ANKS1B: variants seen among roughly 807,000 people sequenced by gnomAD.
The protein encoded by ANKS1B is ankyrin repeat and sterile alpha motif domain-containing protein 1B.
ANKS1B carries 36 observed loss-of-function variants against 148.3 expected under a neutral mutation model. That is an observed-to-expected ratio of 0.24 (90% CI 0.19 to 0.32). The LOEUF is 0.32. Ranked by LOEUF, ANKS1B falls within the 10% of genes least tolerant of loss-of-function variation. The pLI is 1.00. For synonymous variants in ANKS1B, 542 were observed against 560.8 expected, an observed-to-expected ratio of 0.97 and a Z score of 0.47; for missense variants, 1,157 against 1,542.6, an observed-to-expected ratio of 0.75 and a Z score of 4.19.
chr12:99,214,621 T>C (rs998242276), intron 14 of ANKS1B, among the ~76,000 whole-genome samples: 3 of 152,210 alleles, frequency 2.0e-5, no homozygotes, highest in Admixed American at 2.0e-4. Context: ...GAAACCTCTT[T>C]TGCTTTATAA....
At chr12:98,842,152 T>C (rs1259509692) in intron 17 of ANKS1B, among the ~76,000 whole-genome samples, 1 of 152,166 alleles carries the variant, frequency 6.6e-6, no homozygotes, top group Non-Finnish European at 1.5e-5. Context: ...TCATAATAGC[T>C]AAAAATTAGC....
At chr12:99,716,163 C>T (rs2057296395) in intron 8 of ANKS1B, among the ~76,000 whole-genome samples, 1 of 151,898 alleles carries the variant, frequency 6.6e-6, no homozygotes, top group Non-Finnish European at 1.5e-5. Context: ...ATTTCCGTGC[C>T]CCGACCTCTT....
intron 12 of ANKS1B, among the ~76,000 whole-genome samples, chr12:99,304,178 A>G (rs776633159): frequency 2.0e-5 from 3 of 152,134 alleles, no homozygotes; most frequent in East Asian, 1.9e-4. Context: ...TAGTTCTTTA[A>G]GGAGTCTCCA....
chr12:99,341,730 AGTAGGTAGAG>A (rs896643301), intron 12 of ANKS1B, among the ~76,000 whole-genome samples: 1 of 152,112 alleles, frequency 6.6e-6, no homozygotes, highest in Non-Finnish European at 1.5e-5. Context: ...AAGTACTGTA[AGTAGGTAGAG>A]GTAGGCACTG....
chr12:99,367,574 T>C (rs535149756), intron 12 of ANKS1B, among the ~76,000 whole-genome samples: 15 of 152,286 alleles, frequency 9.8e-5, no homozygotes, highest in African/African-American at 2.6e-4. Flanking sequence ...AACCAACATA[T>C]GTACAAGGTT....
chr12:99,635,206 T>C (rs578191335), intron 9 of ANKS1B, among the ~76,000 whole-genome samples: 2 of 152,148 alleles, frequency 1.3e-5, no homozygotes, highest in Non-Finnish European at 2.9e-5. Flanking sequence ...GCAGTTCCTC[T>C]TAAAATTAGA....
At chr12:98,993,563 A>G (rs1331957283) in intron 17 of ANKS1B, among the ~76,000 whole-genome samples, 1 of 151,176 alleles carries the variant, frequency 6.6e-6, no homozygotes, top group Non-Finnish European at 1.5e-5. Flanking sequence ...TCAGCCATCA[A>G]AGGCTTTTCT....
intron 17 of ANKS1B, among the ~76,000 whole-genome samples, chr12:98,929,735 T>A (rs1048800630): frequency 3.3e-5 from 5 of 151,996 alleles, no homozygotes; most frequent in African/African-American, 1.2e-4. Flanking sequence ...CAACTGAATA[T>A]CCACATTCAA....
At chr12:98,769,165 C>CTTTTTTTTTTTTTTTTTTTT (rs1182264550) in intron 25 of ANKS1B, among the ~76,000 whole-genome samples, 5 of 41,232 alleles carry the variant, frequency 1.2e-4, no homozygotes, top group South Asian at 1.8e-3. Flanking sequence ...GTCTTCTTTA[C>CTTTTTTTTTTTTTTTTTTTT]TTTTTTTTTT....
intron 20 of ANKS1B, among the ~76,000 whole-genome samples, chr12:98,806,284 C>T (rs1243534350): frequency 6.6e-6 from 1 of 152,130 alleles, no homozygotes; most frequent in Non-Finnish European, 1.5e-5. Flanking sequence ...TGGCATTTTC[C>T]AAGCCTTGTA....
intron 24 of ANKS1B, among the ~76,000 whole-genome samples, chr12:98,779,884 T>C (rs905346296): frequency 3.3e-5 from 5 of 152,216 alleles, no homozygotes; most frequent in Admixed American, 1.3e-4. Flanking sequence ...GCTGATATTA[T>C]TGGTCAGCAT....
At chr12:99,100,160 C>T in intron 15 of ANKS1B, among the ~76,000 whole-genome samples, 1 of 152,160 alleles carries the variant, frequency 6.6e-6, no homozygotes, top group East Asian at 1.9e-4. Flanking sequence ...GGGAGCCATT[C>T]CCTTGGAAAC....
chr12:98,747,465 T>C (rs1359043415), intron 26 of ANKS1B, among the ~76,000 whole-genome samples: 1 of 152,176 alleles, frequency 6.6e-6, no homozygotes, highest in Non-Finnish European at 1.5e-5. Context: ...TGGATGCTGA[T>C]GAGGCTACAG....
intron 8 of ANKS1B, among the ~76,000 whole-genome samples, chr12:99,719,784 C>CT: frequency 6.6e-6 from 1 of 152,296 alleles, no homozygotes; most frequent in Middle Eastern, 3.4e-3. Context: ...CCAAAGGAAG[C>CT]TAGAGTCATT....
intron 14 of ANKS1B, among the ~76,000 whole-genome samples, chr12:99,171,863 C>T (rs975098049): frequency 1.3e-5 from 2 of 152,196 alleles, no homozygotes; most frequent in East Asian, 1.9e-4. Context: ...TGTGTGACAG[C>T]CTTTGTGTTA....
intron 12 of ANKS1B, among the ~76,000 whole-genome samples, chr12:99,386,858 C>G (rs1235629105): frequency 3.9e-5 from 6 of 152,126 alleles, no homozygotes; most frequent in Admixed American, 2.6e-4. Context: ...CCGAAGAAAG[C>G]AATGTAGTTC....
At chr12:99,675,000 A>G (rs886928146) in intron 8 of ANKS1B, among the ~76,000 whole-genome samples, 3 of 152,000 alleles carry the variant, frequency 2.0e-5, no homozygotes, top group Non-Finnish European at 4.4e-5. Flanking sequence ...CTGATCATAC[A>G]AAATATGTTT....
At chr12:99,425,565 C>T (rs767059505) in intron 11 of ANKS1B, among the ~76,000 whole-genome samples, 3 of 151,936 alleles carry the variant, frequency 2.0e-5, no homozygotes, top group Non-Finnish European at 4.4e-5. Flanking sequence ...CCTGCATCAC[C>T]ATGAATTTAC....
At chr12:99,980,248 G>T (rs888656600) in intron 1 of ANKS1B, among the ~76,000 whole-genome samples, 6 of 151,700 alleles carry the variant, frequency 4.0e-5, no homozygotes, top group Non-Finnish European at 8.8e-5. Flanking sequence ...CCTGTAGGTA[G>T]GTCTTAGATC....
Sources: allele counts gnomAD v4.1 joint callset (sites outside exome capture counted in the v4.1 genomes callset), GRCh38; gene constraint gnomAD v4.1.1; transcripts MANE v1.5; gene names NCBI Gene and HGNC (gene_info 2026-07-23, HGNC 2026-07-21).